The following FMN1 variants were observed in gnomAD, a reference collection of about 807,000 sequenced individuals.
The protein encoded by FMN1 is formin 1.
FMN1 carries 110 observed loss-of-function variants against 132.4 expected under a neutral mutation model. That is an observed-to-expected ratio of 0.83 (90% CI 0.71 to 0.97). FMN1 has a LOEUF of 0.97. Ranked by LOEUF, FMN1 falls within the 50% of genes least tolerant of loss-of-function variation. The pLI, the probability that FMN1 is intolerant of heterozygous loss-of-function variation, is 0.00. For synonymous variants in FMN1, 722 were observed against 651.7 expected, an observed-to-expected ratio of 1.11 and a Z score of -1.64; for missense variants, 1,792 against 1,705.3, an observed-to-expected ratio of 1.05 and a Z score of -0.90.
chr15:32,808,135 G>A (rs1325209943), intron 17 of FMN1, among the ~76,000 whole-genome samples: 6 of 152,108 alleles, frequency 3.9e-5, no homozygotes, highest in Non-Finnish European at 5.9e-5. Flanking sequence ...TTTTCAATAC[G>A]GGAACTATAT....
intron 7 of FMN1, among the ~76,000 whole-genome samples, chr15:32,970,320 A>G (rs1167777209): frequency 2.6e-5 from 4 of 152,236 alleles, no homozygotes; most frequent in Non-Finnish European, 1.5e-5. Flanking sequence ...CAAATTTAGA[A>G]TTTTATTAGA....
chr15:32,964,558 C>A (rs1401298858), intron 8 of FMN1, among the ~76,000 whole-genome samples: 1 of 152,142 alleles, frequency 6.6e-6, no homozygotes, highest in Admixed American at 6.6e-5. Flanking sequence ...TTCCTGGGGG[C>A]ACCCAAGCTG....
intron 17 of FMN1, among the ~76,000 whole-genome samples, chr15:32,807,692 A>G (rs977516948): frequency 2.0e-5 from 3 of 152,248 alleles, no homozygotes; most frequent in Admixed American, 1.3e-4. Flanking sequence ...AGATTTTGCA[A>G]TACCTCTGTG....
At chr15:33,091,095 G>A (rs1375567002) in intron 4 of FMN1, among the ~76,000 whole-genome samples, 1 of 152,056 alleles carries the variant, frequency 6.6e-6, no homozygotes, top group African/African-American at 2.4e-5. Context: ...AGTTTGCACA[G>A]AATAATAAAA....
intron 4 of FMN1, among the ~76,000 whole-genome samples, chr15:33,117,751 A>C (rs1281494748): frequency 6.6e-6 from 1 of 152,244 alleles, no homozygotes; most frequent in African/African-American, 2.4e-5. Flanking sequence ...TTGATGAGAC[A>C]GAAGGAACAC....
intron 15 of FMN1, among the ~76,000 whole-genome samples, chr15:32,889,783 T>C (rs1273530600): frequency 6.6e-6 from 1 of 152,222 alleles, no homozygotes; most frequent in African/African-American, 2.4e-5. Flanking sequence ...CATTAATTTT[T>C]TTCCCATAAG....
chr15:33,070,162 C>T (rs2141273865), intron 5 of FMN1, among the ~76,000 whole-genome samples: 1 of 151,750 alleles, frequency 6.6e-6, no homozygotes, highest in African/African-American at 2.4e-5. Context: ...TGCGCTAGCA[C>T]ACCCGGCTAA....
chr15:33,052,505 A>G (rs2037024014), intron 6 of FMN1, among the ~76,000 whole-genome samples: 1 of 152,204 alleles, frequency 6.6e-6, no homozygotes, highest in Admixed American at 6.5e-5. Flanking sequence ...CCAATTCTCC[A>G]ATAGCAACAC....
intron 7 of FMN1, among the ~76,000 whole-genome samples, chr15:33,006,227 A>G (rs771060452): frequency 6.6e-6 from 1 of 152,228 alleles, no homozygotes; most frequent in Non-Finnish European, 1.5e-5. Flanking sequence ...AAATGAGCAA[A>G]TAATCTGAAA....
chr15:32,881,066 T>C (rs1328635072), intron 16 of FMN1, among the ~76,000 whole-genome samples: 2 of 149,362 alleles, frequency 1.3e-5, no homozygotes, highest in Non-Finnish European at 3.0e-5. Flanking sequence ...GTGGGGTTTT[T>C]TGTTTTTGCA....
At chr15:33,017,677 A>G (rs946011794) in intron 6 of FMN1, among the ~76,000 whole-genome samples, 1 of 152,206 alleles carries the variant, frequency 6.6e-6, no homozygotes, top group African/African-American at 2.4e-5. Context: ...GCAAAAATAT[A>G]AAAATGTCAG....
intron 7 of FMN1, among the ~76,000 whole-genome samples, chr15:32,996,553 G>A (rs2033780136): frequency 6.6e-6 from 1 of 152,148 alleles, no homozygotes; most frequent in African/African-American, 2.4e-5. Context: ...AGTGTACAGG[G>A]TAAGAGGGCC....
At chr15:33,084,293 A>G (rs2038605485) in intron 5 of FMN1, among the ~76,000 whole-genome samples, 1 of 152,198 alleles carries the variant, frequency 6.6e-6, no homozygotes, top group African/African-American at 2.4e-5. Flanking sequence ...ATCTGGTAAC[A>G]GTAATAGTCA....
At chr15:32,868,269 T>A (rs192692472) in intron 16 of FMN1, among the ~76,000 whole-genome samples, 3 of 152,228 alleles carry the variant, frequency 2.0e-5, no homozygotes, top group Non-Finnish European at 2.9e-5. Flanking sequence ...TGTGTTATAA[T>A]TGCCTACAGT....
intron 7 of FMN1, among the ~76,000 whole-genome samples, chr15:32,977,970 C>G (rs554963972): frequency 2.0e-5 from 3 of 152,042 alleles, no homozygotes; most frequent in African/African-American, 7.2e-5. Context: ...GATTCTCCTG[C>G]CTCAGCCTCC....
intron 7 of FMN1, among the ~76,000 whole-genome samples, chr15:33,007,195 C>A (rs544590013): frequency 6.6e-6 from 1 of 151,998 alleles, no homozygotes; most frequent in African/African-American, 2.4e-5. Flanking sequence ...AATTTCTATT[C>A]GCAAACTAAC....
chr15:33,106,333 G>A (rs1001691767), intron 4 of FMN1: 19 of 151,356 alleles, frequency 1.3e-4, no homozygotes, highest in African/African-American at 4.4e-4. Context: ...GCTAAGCAAC[G>A]AGAATGCCAA....
intron 7 of FMN1, among the ~76,000 whole-genome samples, chr15:32,991,385 A>G (rs916932073): frequency 5.9e-5 from 9 of 152,204 alleles, no homozygotes; most frequent in African/African-American, 2.2e-4. Flanking sequence ...CATCTACTGC[A>G]TATTGATTCT....
chr15:32,845,460 C>T (rs995771215), intron 17 of FMN1, among the ~76,000 whole-genome samples: 13 of 152,148 alleles, frequency 8.5e-5, no homozygotes, highest in Admixed American at 4.6e-4. Context: ...TGATACTTTT[C>T]TCCTTTAGAT....
Sources: gnomAD v4.1 joint callset for allele counts (sites outside exome capture counted in the v4.1 genomes callset) on GRCh38, gnomAD v4.1.1 for gene constraint, MANE v1.5 for transcripts, NCBI Gene and HGNC (gene_info 2026-07-23, HGNC 2026-07-21) for gene names.